Variants in GLRA1 observed in about 807,000 individuals in gnomAD.
GLRA1 encodes glycine receptor alpha 1, also known as glycine receptor subunit alpha-1.
A neutral mutation model predicts 48.3 loss-of-function variants in GLRA1; 37 were observed. That is an observed-to-expected ratio of 0.77 (90% CI 0.59 to 1.01). The LOEUF (loss-of-function observed/expected upper bound fraction) is 1.01, where lower values mean the gene tolerates loss of function less well. GLRA1 is among the 50% of genes least tolerant of loss of function. The probability of loss-of-function intolerance (pLI) is 0.00; values close to 1 mark genes in which losing one functional copy is unlikely to be tolerated. For synonymous variants in GLRA1, 196 were observed against 210.7 expected (o/e 0.93, Z 0.60); for missense variants, 427 against 571.0 (o/e 0.75, Z 2.57).
chr5:151,922,657 G>A (rs1010750794), intron 1 of GLRA1, among the ~76,000 whole-genome samples: 4 of 152,220 alleles, frequency 2.6e-5, no homozygotes, highest in African/African-American at 9.6e-5. Flanking sequence ...TTTCTGTTAG[G>A]CCACCACCAG....
intron 1 of GLRA1, among the ~76,000 whole-genome samples, chr5:151,923,470 A>C (rs1754928617): frequency 6.6e-6 from 1 of 152,238 alleles, no homozygotes; most frequent in South Asian, 2.1e-4. Flanking sequence ...GGCATCTAAA[A>C]TGAGGAAGAT....
intron 3 of GLRA1, among the ~76,000 whole-genome samples, chr5:151,879,169 A>G (rs933958404): frequency 1.3e-5 from 2 of 152,238 alleles, no homozygotes; most frequent in Non-Finnish European, 2.9e-5. Context: ...ACGTGGAGTC[A>G]AAAGAGATCA....
At position 151,858,661 on chromosome 5, in the gene GLRA1, C is replaced by G. The variant is rs79956845; in HGVS notation, c.476+1124G>C. 1.6e-3 allele frequency among the ~76,000 whole-genome samples: 237 copies of G among 152,152 alleles called. 2 individuals carry two copies. The East Asian group carries it at 0.036, about 23-fold the overall frequency. The stretch of plus-strand genomic sequence containing the variant: ...CTCTTGATGATGAGGTTCCTAAGCT[C>G]CCTCCCCTACCCAGCCTGCTTTCAG... On this transcript the variant is annotated intron_variant, in intron 4 of 8. Transcript: ENST00000274576.
At chr5:151,882,523 G>A (rs774350298) in intron 3 of GLRA1, among the ~76,000 whole-genome samples, 12 of 152,154 alleles carry the variant, frequency 7.9e-5, no homozygotes, top group South Asian at 2.1e-4. Context: ...TGGGAGAGTC[G>A]TCCAAAAGTT....
chr5:151,899,139 A>C (rs1038191458), intron 1 of GLRA1, among the ~76,000 whole-genome samples: 1 of 152,156 alleles, frequency 6.6e-6, no homozygotes, highest in African/African-American at 2.4e-5. Context: ...GTAATTAAAA[A>C]TTCGATTTGA....
chr5:151,868,631 G>C (rs1169739043), intron 3 of GLRA1, among the ~76,000 whole-genome samples: 1 of 152,202 alleles, frequency 6.6e-6, no homozygotes. Flanking sequence ...TGACACCTCA[G>C]TGTCATTAGG....
chr5:151,907,611 G>T (rs1754506948), intron 1 of GLRA1, among the ~76,000 whole-genome samples: 1 of 152,224 alleles, frequency 6.6e-6, no homozygotes, highest in Non-Finnish European at 1.5e-5. Flanking sequence ...CCCACTATAT[G>T]CCCAGCACTG....
chr5:151,920,560 C>T (rs1754851031), intron 1 of GLRA1, among the ~76,000 whole-genome samples: 1 of 152,114 alleles, frequency 6.6e-6, no homozygotes, highest in Admixed American at 6.5e-5. Flanking sequence ...CTTCAGGAGC[C>T]AAATCGTAAC....
At chr5:151,908,572 T>A (rs184196771) in intron 1 of GLRA1, among the ~76,000 whole-genome samples, 56 of 152,322 alleles carry the variant, frequency 3.7e-4, no homozygotes, top group Non-Finnish European at 7.1e-4. Flanking sequence ...GAATGAGTCC[T>A]TGGTGGAACC....
At chr5:151,904,356 C>G (rs1203015292) in intron 1 of GLRA1, among the ~76,000 whole-genome samples, 1 of 152,114 alleles carries the variant, frequency 6.6e-6, no homozygotes, top group African/African-American at 2.4e-5. Flanking sequence ...GTCTCAGAGG[C>G]AAAGAGAAGC....
chr5:151,910,174 C>T (rs983168953), intron 1 of GLRA1, among the ~76,000 whole-genome samples: 10 of 152,176 alleles, frequency 6.6e-5, no homozygotes, highest in Admixed American at 2.0e-4. Context: ...ACAATCAAGA[C>T]GGCACTGGTT....
At chr5:151,833,026 A>G (rs2113298259) in intron 7 of GLRA1, among the ~76,000 whole-genome samples, 1 of 152,342 alleles carries the variant, frequency 6.6e-6, no homozygotes, top group Admixed American at 6.5e-5. Context: ...TTTTCAACCC[A>G]GAATTTCATA....
intron 7 of GLRA1, among the ~76,000 whole-genome samples, chr5:151,848,456 T>C (rs1752737692): frequency 6.6e-6 from 1 of 152,154 alleles, no homozygotes; most frequent in Admixed American, 6.5e-5. Flanking sequence ...AATCTCCGCC[T>C]CTCGGGTTCA....
Position 151,840,089 on chromosome 5 carries a change from A to G in GLRA1, c.913-11022T>C, listed in dbSNP as rs563401283. ...GACCAGGGAATTAAGATGACACGCT[A>G]GAAAATACTGTTTTTTTTTTTTTTG... On this transcript the variant is annotated intron_variant, in intron 7 of 8. Coordinates refer to ENST00000274576, the MANE Select transcript of GLRA1 (RefSeq NM_000171.4). Among the ~76,000 whole-genome samples, 40 of 141,806 alleles carry G rather than the reference A, an allele frequency of 2.8e-4. No individual in the cohort carries two copies. The South Asian group carries it at 7.9e-3, about 28-fold the overall frequency. 93.0% of individuals were successfully genotyped at this position (141,806 alleles called of 152,430 possible). A position where few individuals can be genotyped will look rare whatever the true frequency, so the allele number is the denominator to read the frequency against.
Position 151,822,656 on chromosome 5 carries a change from C to A in GLRA1, c.*17G>T. 1 of 1,589,698 alleles carries A rather than the reference C, an allele frequency of 6.3e-7. No homozygotes were observed. The highest frequency in any genetic ancestry group is 1.1e-5 in the South Asian group (1 of 90,484). The stretch of plus-strand genomic sequence containing the variant: ...CCACGTTCCCCTCTCCCAGCCTCCC[C>A]CAACCTTTCAGACCCTTCACTGGTT... On this transcript the variant is annotated 3_prime_UTR_variant, in exon 9 of 9. Coordinates refer to ENST00000274576, the MANE Select transcript of GLRA1 (RefSeq NM_000171.4).
chr5:151,827,141 A>G (rs1297496957), intron 8 of GLRA1, among the ~76,000 whole-genome samples: 1 of 149,408 alleles, frequency 6.7e-6, no homozygotes, highest in African/African-American at 2.4e-5. Context: ...GATTATAGGC[A>G]CAAGCCATCA....
chr5:151,921,930 T>C lies in GLRA1; in HGVS notation c.56+2564A>G, dbSNP rs369138493. 4.5e-4 allele frequency among the ~76,000 whole-genome samples: 69 copies of C among 152,320 alleles called. 1 individual carries two copies. Among genetic ancestry groups the C allele is most frequent in the African/African-American group, 1.5e-3 (64 of 41,578 alleles). The stretch of plus-strand genomic sequence containing the variant: ...ATGCTTTTTGTCTTCCAGGACCCCA[T>C]GTTTCCCTTTCTAAGACCCAGTTCC... On this transcript the variant is annotated intron_variant, in intron 1 of 8. Transcript: ENST00000274576.
chr5:151,834,571 AAAGC>A (rs1379997108), intron 7 of GLRA1, among the ~76,000 whole-genome samples: 1 of 152,184 alleles, frequency 6.6e-6, no homozygotes, highest in African/African-American at 2.4e-5. Flanking sequence ...AAGAACTAGA[AAAGC>A]AAGAGCAAAC....
At chr5:151,862,056 C>T (rs1318375896) in intron 3 of GLRA1, among the ~76,000 whole-genome samples, 1 of 152,186 alleles carries the variant, frequency 6.6e-6, no homozygotes, top group African/African-American at 2.4e-5. Flanking sequence ...GTAACCAAAA[C>T]AACATTGTAC....
Sources: allele counts gnomAD v4.1 joint callset (sites outside exome capture counted in the v4.1 genomes callset), GRCh38; gene constraint gnomAD v4.1.1; transcripts MANE v1.5; gene names NCBI Gene and HGNC (gene_info 2026-07-23, HGNC 2026-07-21).